The following HS2ST1 variants were observed in gnomAD, a reference collection of about 807,000 sequenced individuals.
HS2ST1 encodes the protein heparan sulfate 2-O-sulfotransferase 1, also known as 2-O-sulfotransferase.
A neutral mutation model predicts 42.9 loss-of-function variants in HS2ST1; 18 were observed. The ratio of observed to expected loss-of-function variants is 0.42; its 90% CI spans 0.29 to 0.62. The LOEUF is 0.62. HS2ST1 is among the 20% of genes least tolerant of loss of function. HS2ST1 has a pLI of 0.21. For missense variants in HS2ST1, 334 were observed against 433.8 expected, an observed-to-expected ratio of 0.77 and a Z score of 2.04; for synonymous variants, 146 against 152.9, an observed-to-expected ratio of 0.95 and a Z score of 0.33.
At chr1:86,935,006 G>A (rs1440115540) in intron 1 of HS2ST1, 7 of 148,424 alleles carry the variant, frequency 4.7e-5, no homozygotes, top group Admixed American at 6.7e-5. Context: ...TGGGAGTGAT[G>A]ACTTCCAAGC....
At chr1:87,047,840 G>A (rs1157187793) in intron 1 of HS2ST1, among the ~76,000 whole-genome samples, 1 of 152,068 alleles carries the variant, frequency 6.6e-6, no homozygotes, top group African/African-American at 2.4e-5. Flanking sequence ...TATACTGTCT[G>A]GATTACTGTA....
intron 1 of HS2ST1, among the ~76,000 whole-genome samples, chr1:86,993,896 C>T (rs1649025863): frequency 1.3e-5 from 2 of 152,088 alleles, no homozygotes; most frequent in African/African-American, 2.4e-5. Flanking sequence ...TTTACTACTG[C>T]TGTCTCTGAG....
chr1:86,982,177 C>T (rs1456798606), intron 1 of HS2ST1, among the ~76,000 whole-genome samples: 1 of 152,200 alleles, frequency 6.6e-6, no homozygotes, highest in Non-Finnish European at 1.5e-5. Flanking sequence ...GGGTGCTCTC[C>T]TGGGGCTGCA....
chr1:87,082,001 AAAG>A (rs1009124791), intron 2 of HS2ST1, among the ~76,000 whole-genome samples: 10 of 151,866 alleles, frequency 6.6e-5, no homozygotes, highest in South Asian at 4.1e-4. Flanking sequence ...AAAGAAAAAA[AAAG>A]AAGGTTTTTT....
intron 1 of HS2ST1, among the ~76,000 whole-genome samples, chr1:86,971,446 A>G (rs1282889217): frequency 6.6e-6 from 1 of 152,162 alleles, no homozygotes; most frequent in Non-Finnish European, 1.5e-5. Context: ...TTTTAAGCCA[A>G]AAAACCCTAA....
chr1:87,001,586 T>C (rs539327638), intron 1 of HS2ST1, among the ~76,000 whole-genome samples: 1 of 152,088 alleles, frequency 6.6e-6, no homozygotes, highest in African/African-American at 2.4e-5. Context: ...AAAAAGACTG[T>C]TTATGAAAAG....
intron 1 of HS2ST1, among the ~76,000 whole-genome samples, chr1:86,981,509 C>T (rs1648590373): frequency 6.6e-6 from 1 of 152,208 alleles, no homozygotes; most frequent in Non-Finnish European, 1.5e-5. Context: ...AGTGGGGGTA[C>T]AGGCATTGGG....
intron 1 of HS2ST1, among the ~76,000 whole-genome samples, chr1:86,970,081 C>T (rs969086750): frequency 1.1e-4 from 17 of 150,166 alleles, no homozygotes; most frequent in Non-Finnish European, 1.6e-4. Context: ...GTCAAGATCG[C>T]GCCATTGCAC....
intron 1 of HS2ST1, among the ~76,000 whole-genome samples, chr1:86,991,918 C>T (rs1267564901): frequency 6.6e-6 from 1 of 152,010 alleles, no homozygotes; most frequent in African/African-American, 2.4e-5. Context: ...TACTTTAAGC[C>T]AAGGGTCCCC....
intron 1 of HS2ST1, among the ~76,000 whole-genome samples, chr1:87,034,272 A>G (rs1378044070): frequency 1.3e-5 from 2 of 152,230 alleles, no homozygotes; most frequent in Non-Finnish European, 2.9e-5. Context: ...TAATATTACA[A>G]GAGAATAGCA....
chr1:86,932,278 A>G (rs1427728601), intron 1 of HS2ST1: 1 of 152,108 alleles, frequency 6.6e-6, no homozygotes, highest in Non-Finnish European at 1.5e-5. Context: ...AGAGAGTAAA[A>G]AGATAAGAGA....
chr1:87,002,795 C>T (rs1329751164), intron 1 of HS2ST1, among the ~76,000 whole-genome samples: 1 of 152,018 alleles, frequency 6.6e-6, no homozygotes, highest in Non-Finnish European at 1.5e-5. Flanking sequence ...CCCTGAAAAT[C>T]CTTGACTCCT....
chr1:87,060,093 G>GT (rs1651080583), intron 1 of HS2ST1, among the ~76,000 whole-genome samples: 1 of 151,942 alleles, frequency 6.6e-6, no homozygotes, highest in Admixed American at 6.5e-5. Flanking sequence ...GAATTATGTT[G>GT]TTTTTGGCTT....
At chr1:87,101,821 AG>A (rs1652216453) in intron 5 of HS2ST1, among the ~76,000 whole-genome samples, 1 of 152,164 alleles carries the variant, frequency 6.6e-6, no homozygotes, top group Non-Finnish European at 1.5e-5. Context: ...TTTCTCTATT[AG>A]GCCATTCTTA....
intron 1 of HS2ST1, among the ~76,000 whole-genome samples, chr1:87,030,247 G>A (rs1011845064): frequency 3.9e-5 from 6 of 152,136 alleles, no homozygotes; most frequent in Admixed American, 3.9e-4. Flanking sequence ...TTTTCAAATT[G>A]TAAAAATAAA....
chr1:87,090,292 A>C (rs1431289272), intron 3 of HS2ST1, among the ~76,000 whole-genome samples: 1 of 152,022 alleles, frequency 6.6e-6, no homozygotes, highest in Non-Finnish European at 1.5e-5. Context: ...ACAAGAGAGA[A>C]ATGGTCCCTG....
At chr1:86,920,721 T>C (rs1660274081) in intron 1 of HS2ST1, among the ~76,000 whole-genome samples, 1 of 152,188 alleles carries the variant, frequency 6.6e-6, no homozygotes, top group South Asian at 2.1e-4. Flanking sequence ...TTCATAATCA[T>C]GGTTCACTAT....
chr1:87,073,032 G>A lies in HS2ST1; in HGVS notation c.223G>A (p.Val75Met), dbSNP rs1310151673. The A allele has an allele frequency of 6.2e-7, 1 of 1,613,918 alleles. No individual in the cohort carries two copies. The highest frequency in any genetic ancestry group is 1.1e-5 in the South Asian group (1 of 91,090). ...CACTTTAGATGAGGAAGAGGACATGGTGATCATTTATAACAGAGTTCCCAA... is the reference window on the plus strand; with the variant it reads ...CACTTTAGATGAGGAAGAGGACATGATGATCATTTATAACAGAGTTCCCAA... The part of the protein sequence containing the change: ...DATLDEEEDM[V>M]IIYNRVPKTA... Residue 75 changes from valine to methionine, a missense_variant, in exon 2 of 7, where the codon GTG becomes ATG. By Grantham distance (21) the Val-to-Met change is conservative. Coordinates refer to ENST00000370550, the MANE Select transcript of HS2ST1 (RefSeq NM_012262.4).
At chr1:86,957,263 C>T (rs1185836346) in intron 1 of HS2ST1, among the ~76,000 whole-genome samples, 1 of 152,082 alleles carries the variant, frequency 6.6e-6, no homozygotes, top group African/African-American at 2.4e-5. Context: ...TTTAATTTGA[C>T]AATTTAATTC....
Sources: allele counts gnomAD v4.1 joint callset (sites outside exome capture counted in the v4.1 genomes callset), GRCh38; gene constraint gnomAD v4.1.1; transcripts MANE v1.5; gene names NCBI Gene and HGNC (gene_info 2026-07-23, HGNC 2026-07-21).